SLC49A4: variants seen among roughly 807,000 people sequenced by gnomAD.
SLC49A4 encodes disrupted in renal cancer protein 2.
Under a neutral mutation model 50.6 loss-of-function variants are expected in SLC49A4, and 36 were observed. That is an observed-to-expected ratio of 0.71 (90% confidence interval 0.55 to 0.94). The LOEUF is 0.94. Among genes scored for constraint, SLC49A4 ranks in the 40% least tolerant of loss-of-function variants. The pLI, the probability that SLC49A4 is intolerant of heterozygous loss-of-function variation, is 0.00. For missense variants in SLC49A4, 503 were observed against 605.7 expected (o/e 0.83, Z 1.78); for synonymous variants, 248 against 241.2 (o/e 1.03, Z -0.26).
At chr3:122,831,988 A>C (rs1185967298) in intron 3 of SLC49A4, among the ~76,000 whole-genome samples, 1 of 152,024 alleles carries the variant, frequency 6.6e-6, no homozygotes, top group African/African-American at 2.4e-5. Flanking sequence ...GAAAGAAAAA[A>C]AAGGAATCTG....
At chr3:122,798,580 G>C (rs1300692392) in intron 1 of SLC49A4, among the ~76,000 whole-genome samples, 2 of 148,646 alleles carry the variant, frequency 1.3e-5, no homozygotes. Flanking sequence ...TTCCATCTAC[G>C]CACGTAGAAA....
intron 2 of SLC49A4, among the ~76,000 whole-genome samples, chr3:122,820,088 G>T (rs904564540): frequency 6.6e-6 from 1 of 152,208 alleles, no homozygotes; most frequent in South Asian, 2.1e-4. Flanking sequence ...TAAACTAGAG[G>T]TTTATAAAGC....
chr3:122,807,883 C>T (rs1037386396), intron 2 of SLC49A4, among the ~76,000 whole-genome samples: 6 of 152,170 alleles, frequency 3.9e-5, no homozygotes, highest in Non-Finnish European at 7.3e-5. Flanking sequence ...TAGTGGAAAA[C>T]CCCTTAGGCT....
chr3:122,859,953 G>T, intron 6 of SLC49A4, 122 bp from the exon 7 acceptor site: 1 of 929,340 alleles, frequency 1.1e-6, no homozygotes, highest in East Asian at 3.1e-5. Context: ...AAAAAACACT[G>T]AAAACTGTCT....
At chr3:122,826,034 G>A (rs1352061681) in intron 2 of SLC49A4, among the ~76,000 whole-genome samples, 1 of 152,128 alleles carries the variant, frequency 6.6e-6, no homozygotes. Flanking sequence ...GGGACTTAGT[G>A]GTCCTGTCAT....
In SLC49A4 at chr3:122,823,723, G is replaced by GA. The variant is rs1410426279; in HGVS notation, c.438-3071dup. Among the ~76,000 whole-genome samples the GA allele has an allele frequency of 2.6e-5, 4 of 152,178 alleles. No individual in the cohort carries two copies. In the East Asian group the frequency reaches 5.8e-4, roughly 22 times the overall value. ...ATGTCTTAGGGTCAATATTTTTCCA[G>GA]AAAAAATGTATCTCTAATTTGCATT... is the stretch of plus-strand genomic sequence containing the variant. On this transcript the variant is annotated intron_variant, in intron 2 of 8. Coordinates refer to ENST00000261038, the MANE Select transcript of SLC49A4 (RefSeq NM_032839.3).
chr3:122,858,973 T>C (rs948638155), intron 6 of SLC49A4, among the ~76,000 whole-genome samples: 1 of 152,222 alleles, frequency 6.6e-6, no homozygotes, highest in Non-Finnish European at 1.5e-5. Context: ...GTCCCAAGTT[T>C]AGAAGAATAA....
chr3:122,803,726 G>A (rs1436277010), intron 1 of SLC49A4, among the ~76,000 whole-genome samples: 1 of 152,118 alleles, frequency 6.6e-6, no homozygotes, highest in East Asian at 1.9e-4. Flanking sequence ...TGTGGGGGAG[G>A]GATTTAGTCA....
At chr3:122,798,634 CTTTTTTTTTTTTTTTTT>C (rs71136594) in intron 1 of SLC49A4, among the ~76,000 whole-genome samples, 4 of 62,828 alleles carry the variant, frequency 6.4e-5, no homozygotes, top group African/African-American at 2.7e-4. Context: ...ACTAAAATAT[CTTTTTTTTTTTTTTTTT>C]TTTTTTTTTT....
intron 1 of SLC49A4, among the ~76,000 whole-genome samples, chr3:122,804,348 C>T (rs956275773): frequency 1.3e-5 from 2 of 152,246 alleles, no homozygotes; most frequent in Non-Finnish European, 2.9e-5. Context: ...ATGATCCAAA[C>T]ACCTCCCACC....
intron 5 of SLC49A4, among the ~76,000 whole-genome samples, chr3:122,853,011 G>T (rs1289805143): frequency 6.6e-6 from 1 of 152,020 alleles, no homozygotes; most frequent in South Asian, 2.1e-4. Flanking sequence ...CCTAGTGTAC[G>T]TGTCTTAGTC....
intron 2 of SLC49A4, among the ~76,000 whole-genome samples, chr3:122,817,982 C>T (rs886190645): frequency 6.6e-6 from 1 of 151,932 alleles, no homozygotes; most frequent in Non-Finnish European, 1.5e-5. Flanking sequence ...ACTACTAATC[C>T]TCCTGAAAAA....
intron 3 of SLC49A4, among the ~76,000 whole-genome samples, chr3:122,828,435 T>C (rs1214777306): frequency 6.6e-6 from 1 of 152,140 alleles, no homozygotes; most frequent in African/African-American, 2.4e-5. Context: ...GCAGGAAGAT[T>C]ACACTGTAGA....
chr3:122,830,968 A>G (rs1936600483), intron 3 of SLC49A4, among the ~76,000 whole-genome samples: 1 of 152,118 alleles, frequency 6.6e-6, no homozygotes, highest in African/African-American at 2.4e-5. Context: ...TGGGTAAAGG[A>G]CTCAAACACA....
intron 7 of SLC49A4, among the ~76,000 whole-genome samples, chr3:122,869,480 T>C (rs78874716): frequency 0.033 from 5,024 of 152,154 alleles, 123 homozygotes; most frequent in Middle Eastern, 0.072. Flanking sequence ...ACCGCCCCCA[T>C]TGGGGGATAC....
At chr3:122,870,004 G>GTTC (rs10637145) in intron 7 of SLC49A4, among the ~76,000 whole-genome samples, 141,707 of 152,098 alleles carry the variant, frequency 0.93, 66,854 homozygotes, top group South Asian at 1. Flanking sequence ...CTTTCAGTGT[G>GTTC]TTATTATATT....
At chr3:122,835,859 A>G (rs1235434186) in intron 4 of SLC49A4, among the ~76,000 whole-genome samples, 1 of 152,212 alleles carries the variant, frequency 6.6e-6, no homozygotes. Context: ...AAAACCCTAA[A>G]GACTCTTCCA....
At chr3:122,815,350 A>G (rs2107560726) in intron 2 of SLC49A4, among the ~76,000 whole-genome samples, 1 of 152,274 alleles carries the variant, frequency 6.6e-6, no homozygotes, top group East Asian at 1.9e-4. Context: ...CGGCCTCTCA[A>G]AGTGCTGGGA....
chr3:122,814,473 A>G (rs1936338210), intron 2 of SLC49A4, among the ~76,000 whole-genome samples: 1 of 152,238 alleles, frequency 6.6e-6, no homozygotes, highest in South Asian at 2.1e-4. Flanking sequence ...ATTGAATAGA[A>G]AAATGGACAT....
Sources: allele counts gnomAD v4.1 joint callset (sites outside exome capture counted in the v4.1 genomes callset), GRCh38; gene constraint gnomAD v4.1.1; transcripts MANE v1.5; gene names NCBI Gene and HGNC (gene_info 2026-07-23, HGNC 2026-07-21).